RTN1: variants seen among roughly 807,000 people sequenced by gnomAD.
RTN1 encodes reticulon-1.
A neutral mutation model predicts 65.5 loss-of-function variants in RTN1; 25 were observed. The observed-to-expected ratio is 0.38, with a 90% CI of 0.28 to 0.53. The LOEUF is 0.53. RTN1 is among the 20% of genes least tolerant of loss of function. RTN1 has a pLI of 0.79. For missense variants in RTN1, 983 were observed against 1,025.4 expected (o/e 0.96, Z 0.57); for synonymous variants, 471 against 447.6 (o/e 1.05, Z -0.66).
intron 1 of RTN1, among the ~76,000 whole-genome samples, chr14:59,845,843 T>C (rs1427633354): frequency 6.6e-6 from 1 of 151,718 alleles, no homozygotes; most frequent in East Asian, 2.0e-4. Context: ...TATGACATCA[T>C]TCAAGGCCCA....
At chr14:59,602,158 T>C (rs1341851549) in intron 8 of RTN1, among the ~76,000 whole-genome samples, 1 of 152,172 alleles carries the variant, frequency 6.6e-6, no homozygotes, top group East Asian at 1.9e-4. Flanking sequence ...TTTAATGTGA[T>C]TGGCCTTTCT....
intron 3 of RTN1, among the ~76,000 whole-genome samples, chr14:59,720,385 A>G (rs1261940670): frequency 6.6e-6 from 1 of 152,182 alleles, no homozygotes; most frequent in African/African-American, 2.4e-5. Context: ...AGCTCCTTCT[A>G]TCACTGGGCA....
At chr14:59,730,321 CA>C (rs1266654527) in intron 2 of RTN1, among the ~76,000 whole-genome samples, 1 of 152,090 alleles carries the variant, frequency 6.6e-6, no homozygotes, top group Non-Finnish European at 1.5e-5. Context: ...TGGATAACCA[CA>C]AGAAAAAGAA....
intron 2 of RTN1, among the ~76,000 whole-genome samples, chr14:59,741,084 G>A (rs1566706732): frequency 6.6e-6 from 1 of 152,156 alleles, no homozygotes; most frequent in Non-Finnish European, 1.5e-5. Context: ...GACTCCCTTT[G>A]TTCCTGGCTC....
At chr14:59,648,771 T>C (rs113951299) in intron 3 of RTN1, among the ~76,000 whole-genome samples, 4,046 of 152,288 alleles carry the variant, frequency 0.027, 86 homozygotes, top group Non-Finnish European at 0.039. Flanking sequence ...AAACTTTGTA[T>C]TGAAGGAACA....
chr14:59,629,146 T>C (rs1040819718), intron 3 of RTN1, among the ~76,000 whole-genome samples: 2 of 152,230 alleles, frequency 1.3e-5, no homozygotes, highest in Admixed American at 1.3e-4. Context: ...TCAACTGGCA[T>C]ACATTTCTTA....
intron 3 of RTN1, among the ~76,000 whole-genome samples, chr14:59,618,828 T>A (rs1442439081): frequency 6.6e-6 from 1 of 152,204 alleles, no homozygotes; most frequent in Non-Finnish European, 1.5e-5. Flanking sequence ...TTTCTTTGAG[T>A]GAAAAGTCAT....
chr14:59,676,567 G>GA (rs1883631934), intron 3 of RTN1, among the ~76,000 whole-genome samples: 1 of 152,056 alleles, frequency 6.6e-6, no homozygotes, highest in South Asian at 2.1e-4. Context: ...GAGGGCAAAG[G>GA]GCACATGCAA....
In RTN1 at chr14:59,849,157, G is replaced by A. The variant is rs1207681689; in HGVS notation, c.241+21233C>T. ...CCCTACTTAGATTAACCAAATCATA[G>A]TTCAATACCCTGCTATATATTCAAT... On this transcript the variant is annotated intron_variant, in intron 1 of 8. Transcript: ENST00000267484. This position sits in a 1 kb window ranked among gnomAD's most constrained non-coding sequence, Gnocchi z 4.5. Among the ~76,000 whole-genome samples, 2 of 152,178 alleles carry A rather than the reference G, an allele frequency of 1.3e-5. No homozygotes were observed. The highest frequency in any genetic ancestry group is 2.9e-5 in the Non-Finnish European group (2 of 68,022).
chr14:59,780,670 C>T (rs1886138005), intron 1 of RTN1, among the ~76,000 whole-genome samples: 2 of 152,102 alleles, frequency 1.3e-5, no homozygotes, highest in African/African-American at 4.8e-5. Flanking sequence ...TATAAGGCAA[C>T]TTCATTTCTA....
At chr14:59,742,345 A>G (rs11847286) in intron 2 of RTN1, among the ~76,000 whole-genome samples, 64,674 of 151,976 alleles carry the variant, frequency 0.43, 14,551 homozygotes, top group African/African-American at 0.57. Context: ...CAGAAACAAC[A>G]TGGTGCTCCT....
In RTN1 at chr14:59,745,774, T is replaced by C. The variant is rs989349810; in HGVS notation, c.949A>G (p.Thr317Ala). ...TCTTCAGGCTCCGAGACAGTGACAG[T>C]GGGGACTGTGTCAGGACTTGGCTTT... is the stretch of plus-strand genomic sequence containing the variant. ...CLKPSPDTVP[T>A]VTVSEPEDDS... The change falls in exon 2 of 9, where the codon ACT becomes GCT. Residue 317 changes from threonine (T) to alanine (A), a missense_variant. Thr to Ala is a moderately conservative substitution (Grantham distance 58). This residue lies in a region of RTN1 where 818 missense variants were observed against 801.8 expected (regional missense o/e 1.02). Coordinates refer to ENST00000267484, the MANE Select transcript of RTN1 (RefSeq NM_021136.3). The C allele has an allele frequency of 1.2e-6, 2 of 1,613,850 alleles. No homozygotes were observed. Among genetic ancestry groups the C allele is most frequent in the Non-Finnish European group, 1.7e-6 (2 of 1,179,922 alleles).
intron 1 of RTN1, among the ~76,000 whole-genome samples, chr14:59,770,364 G>A (rs1885930340): frequency 8.8e-6 from 1 of 113,534 alleles, no homozygotes. Context: ...GGGAACAAGA[G>A]TGAAACTCTG....
intron 3 of RTN1, among the ~76,000 whole-genome samples, chr14:59,655,784 T>C (rs1883110359): frequency 6.6e-6 from 1 of 152,196 alleles, no homozygotes; most frequent in African/African-American, 2.4e-5. Flanking sequence ...GACGACTGGA[T>C]ATGAACAAGA....
chr14:59,694,169 C>A (rs1444560102), intron 3 of RTN1, among the ~76,000 whole-genome samples: 1 of 152,172 alleles, frequency 6.6e-6, no homozygotes. Context: ...AGCTCTTATT[C>A]CCCAGTTGGT....
intron 4 of RTN1, chr14:59,606,135 G>A (rs1881747144): frequency 8.9e-6 from 1 of 112,384 alleles, no homozygotes; most frequent in African/African-American, 4.4e-5. Flanking sequence ...TATCATACCA[G>A]CTTAAGCCTC....
Position 59,630,600 on chromosome 14 carries a change from T to A in RTN1, c.1766-23108A>T, listed in dbSNP as rs531887838. ...CCGGCTGCTGCGGCTGGGCTCGCAGTGGCCGCGCGGCTGCGGAGAGACTGA... is the reference window on the plus strand; with the variant it reads ...CCGGCTGCTGCGGCTGGGCTCGCAGAGGCCGCGCGGCTGCGGAGAGACTGA... On this transcript the variant is annotated intron_variant, in intron 3 of 8. Coordinates refer to ENST00000267484, the MANE Select transcript of RTN1 (RefSeq NM_021136.3). The A allele has an allele frequency of 2.3e-5, 37 of 1,586,864 alleles. 1 individual carries two copies. In the East Asian group the frequency reaches 8.4e-4, roughly 36 times the overall value.
intron 1 of RTN1, among the ~76,000 whole-genome samples, chr14:59,814,179 A>G (rs1470913463): frequency 2.6e-5 from 4 of 152,150 alleles, no homozygotes; most frequent in Non-Finnish European, 4.4e-5. Context: ...CAGAAGAGAG[A>G]AAAGTGAGGG....
intron 1 of RTN1, among the ~76,000 whole-genome samples, chr14:59,812,278 T>G (rs1886743486): frequency 1.3e-5 from 2 of 152,092 alleles, no homozygotes; most frequent in South Asian, 4.1e-4. Context: ...GTAAAAGACA[T>G]AACATTCAAA....
Sources: allele counts gnomAD v4.1 joint callset (sites outside exome capture counted in the v4.1 genomes callset), GRCh38; gene constraint gnomAD v4.1.1; regional missense constraint gnomAD v4.1.1; non-coding constraint Gnocchi (gnomAD v3.1); transcripts MANE v1.5; gene names NCBI Gene and HGNC (gene_info 2026-07-23, HGNC 2026-07-21).